Variants in LRP1B observed in about 807,000 individuals in gnomAD.
The protein encoded by LRP1B is LDL receptor related protein 1B.
Under a neutral mutation model 556.6 loss-of-function variants are expected in LRP1B, and 217 were observed. The observed-to-expected ratio is 0.39, with a 90% CI of 0.35 to 0.44. The LOEUF (loss-of-function observed/expected upper bound fraction) is 0.44, where lower values mean the gene tolerates loss of function less well. Among genes scored for constraint, LRP1B ranks in the 20% least tolerant of loss-of-function variants. The probability of loss-of-function intolerance (pLI) is 1.00; values close to 1 mark genes in which losing one functional copy is unlikely to be tolerated. For missense variants in LRP1B, 5,053 were observed against 5,620.8 expected (o/e 0.90, Z 3.23); for synonymous variants, 2,047 against 1,865.8 (o/e 1.10, Z -2.50).
intron 10 of LRP1B, among the ~76,000 whole-genome samples, chr2:141,053,098 T>G (rs1317543644): frequency 6.6e-6 from 1 of 152,070 alleles, no homozygotes; most frequent in Non-Finnish European, 1.5e-5. Flanking sequence ...TTCCTAGGTA[T>G]TCTTTAATAC....
intron 68 of LRP1B, among the ~76,000 whole-genome samples, chr2:140,376,742 TGTG>T (rs1167704524): frequency 6.6e-6 from 1 of 152,166 alleles, no homozygotes; most frequent in Admixed American, 6.5e-5. Context: ...GGCTGTTGAA[TGTG>T]GTTATTGTGA....
At chr2:141,173,249 G>A (rs2105149438) in intron 7 of LRP1B, among the ~76,000 whole-genome samples, 1 of 152,138 alleles carries the variant, frequency 6.6e-6, no homozygotes, top group South Asian at 2.1e-4. Flanking sequence ...TAGGAAGAAT[G>A]TAATTTTGTT....
intron 2 of LRP1B, among the ~76,000 whole-genome samples, chr2:141,609,328 G>T (rs927136551): frequency 6.6e-6 from 1 of 152,094 alleles, no homozygotes; most frequent in Non-Finnish European, 1.5e-5. Context: ...GAAAACATGG[G>T]TCATGGCCTC....
chr2:141,160,403 T>C (rs1052570430), intron 7 of LRP1B, among the ~76,000 whole-genome samples: 3 of 152,160 alleles, frequency 2.0e-5, no homozygotes, highest in African/African-American at 7.2e-5. Flanking sequence ...CACTCCTAGG[T>C]ATTTATCCTA....
At chr2:141,593,352 G>T (rs1038514913) in intron 2 of LRP1B, among the ~76,000 whole-genome samples, 2 of 152,156 alleles carry the variant, frequency 1.3e-5, no homozygotes, top group Non-Finnish European at 2.9e-5. Flanking sequence ...CTACTTTGTT[G>T]TTGTTAGCAA....
At chr2:142,128,619 T>C (rs1342327910) in intron 1 of LRP1B, among the ~76,000 whole-genome samples, 1 of 152,230 alleles carries the variant, frequency 6.6e-6, no homozygotes, top group African/African-American at 2.4e-5. Context: ...AGCTCTTTGC[T>C]AACAGTTTTG....
intron 2 of LRP1B, among the ~76,000 whole-genome samples, chr2:141,600,520 G>A (rs1343132256): frequency 6.6e-6 from 1 of 152,072 alleles, no homozygotes; most frequent in South Asian, 2.1e-4. Context: ...GTTGGCATCA[G>A]GGTTTAAAGT....
At chr2:140,321,829 C>T in intron 82 of LRP1B, 134 bp downstream of exon 82, 1 of 791,500 alleles carries the variant, frequency 1.3e-6, no homozygotes, top group Non-Finnish European at 2.1e-6. Context: ...ACAGTTTACA[C>T]AGGCATTCAA....
At chr2:141,440,704 T>C (rs1680931750) in intron 3 of LRP1B, among the ~76,000 whole-genome samples, 2 of 152,230 alleles carry the variant, frequency 1.3e-5, no homozygotes, top group Admixed American at 1.3e-4. Context: ...ACTGGAGCAT[T>C]GTGCTTTCCC....
chr2:140,675,890 G>A (rs913279480), intron 41 of LRP1B, among the ~76,000 whole-genome samples: 1 of 152,072 alleles, frequency 6.6e-6, no homozygotes, highest in African/African-American at 2.4e-5. Flanking sequence ...GTAAACATGA[G>A]GCCGTATTCT....
At chr2:141,684,290 C>T (rs1034369321) in intron 2 of LRP1B, among the ~76,000 whole-genome samples, 2 of 152,062 alleles carry the variant, frequency 1.3e-5, no homozygotes, top group Non-Finnish European at 2.9e-5. Flanking sequence ...AGGATGAGTT[C>T]ATGCCCATTG....
chr2:140,736,976 C>G (rs1055881478), intron 35 of LRP1B, among the ~76,000 whole-genome samples: 2 of 152,096 alleles, frequency 1.3e-5, no homozygotes, highest in African/African-American at 4.8e-5. Flanking sequence ...AGAGCTAGTT[C>G]ATAGAGCATT....
At chr2:141,035,329 C>T (rs1336417480) in intron 11 of LRP1B, among the ~76,000 whole-genome samples, 1 of 150,814 alleles carries the variant, frequency 6.6e-6, no homozygotes, top group Non-Finnish European at 1.5e-5. Flanking sequence ...ACATTGTGCA[C>T]ATGTACCCTA....
At chr2:140,926,510 TA>T (rs530705014) in intron 20 of LRP1B, among the ~76,000 whole-genome samples, 18 of 150,030 alleles carry the variant, frequency 1.2e-4, no homozygotes, top group African/African-American at 2.9e-4. Flanking sequence ...CCCAGCTAAT[TA>T]AAAAAAAAAT....
intron 6 of LRP1B, among the ~76,000 whole-genome samples, chr2:141,217,821 C>G (rs1335518011): frequency 6.6e-6 from 1 of 152,058 alleles, no homozygotes; most frequent in Non-Finnish European, 1.5e-5. Flanking sequence ...AAGATATTTT[C>G]AAACTATGCA....
intron 14 of LRP1B, among the ~76,000 whole-genome samples, chr2:141,005,689 G>A (rs758271877): frequency 1.3e-5 from 2 of 151,970 alleles, no homozygotes; most frequent in Non-Finnish European, 2.9e-5. Flanking sequence ...AGGTCTGAGT[G>A]AAGTTAGGTT....
intron 1 of LRP1B, among the ~76,000 whole-genome samples, chr2:142,100,924 G>T (rs1284575369): frequency 1.3e-5 from 2 of 151,974 alleles, no homozygotes; most frequent in South Asian, 4.1e-4. Context: ...GATGAAGGGA[G>T]AGAGGGAAGG....
chr2:141,360,989 T>TA (rs1486651599), intron 3 of LRP1B, among the ~76,000 whole-genome samples: 1 of 152,120 alleles, frequency 6.6e-6, no homozygotes, highest in Non-Finnish European at 1.5e-5. Context: ...CCTCCCCAAA[T>TA]AAATAGATTG....
intron 41 of LRP1B, among the ~76,000 whole-genome samples, chr2:140,609,678 A>G (rs548397804): frequency 1.3e-5 from 2 of 152,278 alleles, no homozygotes; most frequent in African/African-American, 4.8e-5. Context: ...TGCTTTTTGC[A>G]TATAATCATC....
Sources: gnomAD v4.1 joint callset for allele counts (sites outside exome capture counted in the v4.1 genomes callset) on GRCh38, gnomAD v4.1.1 for gene constraint, MANE v1.5 for transcripts, NCBI Gene and HGNC (gene_info 2026-07-23, HGNC 2026-07-21) for gene names.